The following FRAS1 variants were observed in gnomAD, a reference collection of about 807,000 sequenced individuals.
FRAS1 encodes the protein Fraser extracellular matrix complex subunit 1.
In FRAS1, 290 loss-of-function variants were observed where a neutral mutation model predicts 435.2. The ratio of observed to expected loss-of-function variants is 0.67; its 90% CI spans 0.61 to 0.73. FRAS1 has a LOEUF of 0.73. Ranked by LOEUF, FRAS1 falls within the 30% of genes least tolerant of loss-of-function variation. FRAS1 has a pLI of 0.00. For synonymous variants in FRAS1, 1,800 were observed against 1,851.0 expected, an observed-to-expected ratio of 0.97 and a Z score of 0.71; for missense variants, 4,860 against 5,001.5, an observed-to-expected ratio of 0.97 and a Z score of 0.85.
intron 18 of FRAS1, among the ~76,000 whole-genome samples, chr4:78,328,999 A>T (rs902540369): frequency 2.0e-5 from 3 of 152,194 alleles, no homozygotes; most frequent in Admixed American, 1.3e-4. Context: ...GAACTTTGGA[A>T]ATTGGCTATT....
chr4:78,150,570 T>C (rs1175295112), intron 2 of FRAS1, among the ~76,000 whole-genome samples: 1 of 152,230 alleles, frequency 6.6e-6, no homozygotes, highest in Non-Finnish European at 1.5e-5. Context: ...CCATTTGTCC[T>C]GTTTAAAAGG....
intron 63 of FRAS1, 31 bp from the exon 64 acceptor site, chr4:78,511,243 C>A: frequency 6.6e-7 from 1 of 1,517,060 alleles, no homozygotes; most frequent in South Asian, 1.3e-5. Context: ...GTAGGGTACT[C>A]ACATTGGAGG....
chr4:78,291,177 A>G (rs1000957235), intron 14 of FRAS1, among the ~76,000 whole-genome samples: 32 of 152,350 alleles, frequency 2.1e-4, no homozygotes, highest in Admixed American at 1.4e-3. Context: ...TTGCACTGCT[A>G]TGAAGATGAA....
At chr4:78,515,520 G>A (rs1254624838) in intron 65 of FRAS1, among the ~76,000 whole-genome samples, 2 of 152,044 alleles carry the variant, frequency 1.3e-5, no homozygotes, top group Admixed American at 6.5e-5. Flanking sequence ...AAGTTCTGCC[G>A]CCTTCATTCA....
At chr4:78,405,689 T>C (rs1236660562) in intron 30 of FRAS1, among the ~76,000 whole-genome samples, 1 of 152,224 alleles carries the variant, frequency 6.6e-6, no homozygotes. Context: ...GATTCGAGTA[T>C]TCTCCTATAG....
At chr4:78,491,588 G>T (rs538300443) in intron 59 of FRAS1, among the ~76,000 whole-genome samples, 3 of 152,028 alleles carry the variant, frequency 2.0e-5, no homozygotes, top group Non-Finnish European at 4.4e-5. Flanking sequence ...AAAGGCCTTC[G>T]ACAAACTTTA....
intron 70 of FRAS1, among the ~76,000 whole-genome samples, chr4:78,534,127 G>T (rs894947009): frequency 6.6e-6 from 1 of 152,106 alleles, no homozygotes; most frequent in Non-Finnish European, 1.5e-5. Context: ...AAATCTAGCT[G>T]GACTCCAAAG....
chr4:78,193,309 C>T (rs931585402), intron 2 of FRAS1, among the ~76,000 whole-genome samples: 4 of 152,130 alleles, frequency 2.6e-5, no homozygotes, highest in Non-Finnish European at 5.9e-5. Flanking sequence ...GAGCTGAGTT[C>T]AATTCCTGGA....
At chr4:78,212,347 G>T (rs1346261266) in intron 2 of FRAS1, among the ~76,000 whole-genome samples, 1 of 152,142 alleles carries the variant, frequency 6.6e-6, no homozygotes, top group Non-Finnish European at 1.5e-5. Context: ...GAGGGTAGTA[G>T]TGCCTCTTGT....
chr4:78,402,219 T>G (rs1732921294), intron 30 of FRAS1, among the ~76,000 whole-genome samples: 1 of 152,140 alleles, frequency 6.6e-6, no homozygotes, highest in African/African-American at 2.4e-5. Context: ...TTATAGCCAT[T>G]AAAAGTAAAA....
intron 2 of FRAS1, among the ~76,000 whole-genome samples, chr4:78,224,419 T>A (rs1261768545): frequency 6.6e-6 from 1 of 152,234 alleles, no homozygotes; most frequent in Non-Finnish European, 1.5e-5. Flanking sequence ...TACATACGTA[T>A]GTATGCAATA....
chr4:78,109,784 C>T (rs1390483483), intron 2 of FRAS1, among the ~76,000 whole-genome samples: 2 of 15,376 alleles, frequency 1.3e-4, no homozygotes, highest in Admixed American at 1.5e-3. Flanking sequence ...AAAGGGTATT[C>T]AATTAGGAAA....
In FRAS1 at chr4:78,430,328, C is replaced by T. The variant is rs1265801907; in HGVS notation, c.4880C>T (p.Pro1627Leu). Residue 1627 changes from proline to leucine, a missense_variant, in exon 37 of 74, where the codon CCC (proline) becomes CTC (leucine). Coordinates refer to ENST00000512123, the MANE Select transcript of FRAS1 (RefSeq NM_025074.7). Reference protein sequence around the residue: ...QVVVRDAETAPKELFFELRRP... With the variant: ...QVVVRDAETALKELFFELRRP... Reference sequence around the variant, plus strand: ...GTAGTAAGAGATGCTGAGACAGCGCCCAAAGAACTCTTCTTTGAGCTTCGG... The same window carrying T: ...GTAGTAAGAGATGCTGAGACAGCGCTCAAAGAACTCTTCTTTGAGCTTCGG... 1 of 1,613,830 alleles carries T rather than the reference C, an allele frequency of 6.2e-7. No individual in the cohort carries two copies. The highest frequency in any genetic ancestry group is 1.3e-5 in the African/African-American group (1 of 75,032).
chr4:78,235,800 TTATCTGA>T (rs1724728323), intron 2 of FRAS1, among the ~76,000 whole-genome samples: 1 of 152,042 alleles, frequency 6.6e-6, no homozygotes, highest in Non-Finnish European at 1.5e-5. Flanking sequence ...AATACAGAAA[TTATCTGA>T]GTGTGGTGGT....
intron 20 of FRAS1, among the ~76,000 whole-genome samples, chr4:78,342,587 A>G (rs993438159): frequency 6.6e-6 from 1 of 152,228 alleles, no homozygotes; most frequent in Non-Finnish European, 1.5e-5. Context: ...CAACATTAAC[A>G]GAAAACTCCA....
intron 15 of FRAS1, among the ~76,000 whole-genome samples, chr4:78,312,338 C>T (rs936456691): frequency 6.6e-6 from 1 of 151,846 alleles, no homozygotes; most frequent in Non-Finnish European, 1.5e-5. Flanking sequence ...TCTGTCTGAG[C>T]TATAAGATAT....
At chr4:78,150,813 G>T (rs1396959689) in intron 2 of FRAS1, among the ~76,000 whole-genome samples, 1 of 152,184 alleles carries the variant, frequency 6.6e-6, no homozygotes, top group African/African-American at 2.4e-5. Flanking sequence ...ACCCGTATAA[G>T]AAATGATTTA....
rs576268033 is a variant in FRAS1, at chr4:78,486,053, T to G, written c.8753-2822T>G. Among the ~76,000 whole-genome samples the G allele has an allele frequency of 2.0e-5, 3 of 152,312 alleles. No individual in the cohort carries two copies. In the South Asian group the frequency reaches 6.2e-4, roughly 32 times the overall value. On this transcript the variant is annotated intron_variant, in intron 58 of 73. Transcript: ENST00000512123. Reference sequence around the variant, plus strand: ...CTGGAATTAGACTCGGGCTTGGGCATGAGTAATGCTGACTGGGTAGCATTA... The same window carrying G: ...CTGGAATTAGACTCGGGCTTGGGCAGGAGTAATGCTGACTGGGTAGCATTA...
chr4:78,534,331 G>A, intron 70 of FRAS1, 118 bp from the exon 71 acceptor site: 1 of 713,802 alleles, frequency 1.4e-6, no homozygotes, highest in South Asian at 2.1e-5. Flanking sequence ...AATATTTAGT[G>A]CCCACAACAA....
Sources: allele counts gnomAD v4.1 joint callset (sites outside exome capture counted in the v4.1 genomes callset), GRCh38; gene constraint gnomAD v4.1.1; transcripts MANE v1.5; gene names NCBI Gene and HGNC (gene_info 2026-07-23, HGNC 2026-07-21).